Variants in CENPC observed in about 807,000 individuals in gnomAD.
CENPC encodes the protein CENP-C 1.
A neutral mutation model predicts 112.1 loss-of-function variants in CENPC; 63 were observed. That is an observed-to-expected ratio of 0.56 (90% confidence interval 0.46 to 0.69). The LOEUF (loss-of-function observed/expected upper bound fraction) is 0.69, where lower values mean the gene tolerates loss of function less well. Among genes scored for constraint, CENPC ranks in the 30% least tolerant of loss-of-function variants. The probability of loss-of-function intolerance (pLI) is 0.00; values close to 1 mark genes in which losing one functional copy is unlikely to be tolerated. For synonymous variants in CENPC, 333 were observed against 367.6 expected (o/e 0.91, Z 1.08); for missense variants, 1,000 against 1,103.8 (o/e 0.91, Z 1.33).
intron 17 of CENPC, among the ~76,000 whole-genome samples, chr4:67,483,886 T>TAAC (rs572125745): frequency 1.3e-5 from 2 of 152,142 alleles, no homozygotes; most frequent in African/African-American, 4.8e-5. Flanking sequence ...GTCCAAAAGT[T>TAAC]AACAACAACA....
At chr4:67,531,169 A>T (rs1265773305) in intron 4 of CENPC, among the ~76,000 whole-genome samples, 2 of 152,176 alleles carry the variant, frequency 1.3e-5, no homozygotes, top group Non-Finnish European at 2.9e-5. Context: ...AACTATGTGG[A>T]CAGAAGACTG....
rs541984705 is a variant in CENPC, at chr4:67,522,980, A to G, written c.332-3478T>C. Among the ~76,000 whole-genome samples, 5 of 151,974 alleles carry G rather than the reference A, an allele frequency of 3.3e-5. No individual in the cohort carries two copies. The South Asian group carries it at 6.2e-4, about 19-fold the overall frequency. On this transcript the variant is annotated intron_variant, in intron 5 of 18. Coordinates refer to ENST00000273853, the MANE Select transcript of CENPC (RefSeq NM_001812.4). ...GTGCCATTGCACTCCAGCCTGGGTG[A>G]TAAGGGCAAAATTCCATCTCAAAAA...
chr4:67,518,111 A>C, intron 7 of CENPC, 45 bp downstream of exon 7: 1 of 1,075,410 alleles, frequency 9.3e-7, no homozygotes, highest in Non-Finnish European at 1.3e-6. Flanking sequence ...GGTTCATAGA[A>C]TATAAAAGAA....
intron 12 of CENPC, among the ~76,000 whole-genome samples, chr4:67,498,916 C>T (rs1351898078): frequency 6.6e-6 from 1 of 152,214 alleles, no homozygotes; most frequent in Non-Finnish European, 1.5e-5. Context: ...GGAATCACTA[C>T]TTGTGGCAGC....
intron 9 of CENPC, 84 bp from the exon 10 acceptor site, chr4:67,509,189 C>T (rs1725823216): frequency 9.5e-6 from 6 of 633,322 alleles, no homozygotes; most frequent in Admixed American, 8.4e-5. Flanking sequence ...TTTATATTTG[C>T]ATATAAACAT....
chr4:67,518,584 G>T (rs941655235), intron 6 of CENPC, among the ~76,000 whole-genome samples: 1 of 152,152 alleles, frequency 6.6e-6, no homozygotes, highest in Non-Finnish European at 1.5e-5. Context: ...AAACATGAAA[G>T]AGAAAATAAT....
chr4:67,525,547 A>G (rs993370329), intron 5 of CENPC, among the ~76,000 whole-genome samples: 2 of 152,210 alleles, frequency 1.3e-5, no homozygotes, highest in Non-Finnish European at 2.9e-5. Context: ...ACATTTACAC[A>G]GCCAACAAAC....
chr4:67,498,952 A>C (rs1330774239), intron 12 of CENPC, among the ~76,000 whole-genome samples: 1 of 152,214 alleles, frequency 6.6e-6, no homozygotes. Context: ...TTTATTTCTT[A>C]AATAATAAGA....
chr4:67,527,825 C>T (rs1167496281), intron 5 of CENPC, among the ~76,000 whole-genome samples: 1 of 151,744 alleles, frequency 6.6e-6, no homozygotes, highest in Non-Finnish European at 1.5e-5. Flanking sequence ...TAACATAATA[C>T]TGAAGTACTA....
At chr4:67,527,151 T>C (rs1459325666) in intron 5 of CENPC, among the ~76,000 whole-genome samples, 1 of 152,114 alleles carries the variant, frequency 6.6e-6, no homozygotes, top group Non-Finnish European at 1.5e-5. Context: ...GGGAAATTTA[T>C]GCCAAATGAA....
intron 12 of CENPC, among the ~76,000 whole-genome samples, chr4:67,500,620 C>G (rs355518): frequency 0.63 from 95,135 of 151,888 alleles, 30,050 homozygotes; most frequent in East Asian, 0.81. Flanking sequence ...AAAGAAAATC[C>G]AGTGACCAAA....
intron 3 of CENPC, among the ~76,000 whole-genome samples, chr4:67,540,289 G>C (rs1161569319): frequency 6.6e-6 from 1 of 152,148 alleles, no homozygotes; most frequent in Non-Finnish European, 1.5e-5. Context: ...TGTAATTTAT[G>C]ACTTCCTTAA....
intron 17 of CENPC, among the ~76,000 whole-genome samples, chr4:67,475,994 G>A (rs1724795130): frequency 6.6e-6 from 1 of 152,122 alleles, no homozygotes; most frequent in Non-Finnish European, 1.5e-5. Context: ...AGGTTACAAT[G>A]GCATTTAAAA....
At position 67,470,583 on chromosome 4, in the gene CENPC, A is replaced by AAAAAAAAAAAAGAAAAG. The variant is rs58690134; in HGVS notation, c.*2021_*2022insCTTTTCTTTTTTTTTTT. On this transcript the variant is annotated 3_prime_UTR_variant, in exon 19 of 19. Transcript: ENST00000273853. ...GTGAAACTCTGCCTCAAAAAAAAAA[A>AAAAAAAAAAAAGAAAAG]AAAAGAAAAGAAAAGAAAAAAGAAA... The AAAAAAAAAAAAGAAAAG allele has an allele frequency of 9.0e-6, 1 of 110,632 alleles. No individual in the cohort carries two copies. Among genetic ancestry groups the AAAAAAAAAAAAGAAAAG allele is most frequent in the Admixed American group, 1.2e-4 (1 of 8,364 alleles). 6.9% of individuals were successfully genotyped at this position (110,632 alleles called of 1,614,324 possible). A position where few individuals can be genotyped will look rare whatever the true frequency, so the allele number is the denominator to read the frequency against.
At chr4:67,520,019 A>G (rs1726176372) in intron 5 of CENPC, among the ~76,000 whole-genome samples, 1 of 152,188 alleles carries the variant, frequency 6.6e-6, no homozygotes, top group Non-Finnish European at 1.5e-5. Context: ...GACCAGAAAC[A>G]GACAAGCCTT....
At chr4:67,497,197 G>C (rs1472214451) in intron 12 of CENPC, among the ~76,000 whole-genome samples, 1 of 151,844 alleles carries the variant, frequency 6.6e-6, no homozygotes, top group Non-Finnish European at 1.5e-5. Context: ...TACCAACATG[G>C]TGAAACCCCA....
intron 12 of CENPC, among the ~76,000 whole-genome samples, chr4:67,499,387 A>G (rs1725528451): frequency 6.6e-6 from 1 of 152,234 alleles, no homozygotes; most frequent in South Asian, 2.1e-4. Flanking sequence ...CAATTATCTC[A>G]GCTAGATTTT....
At chr4:67,501,081 G>A (rs1363443696) in intron 12 of CENPC, among the ~76,000 whole-genome samples, 1 of 152,194 alleles carries the variant, frequency 6.6e-6, no homozygotes, top group Non-Finnish European at 1.5e-5. Flanking sequence ...ACTGAGGTGT[G>A]CAGATCACTT....
chr4:67,480,634 G>A (rs918655387), intron 17 of CENPC, among the ~76,000 whole-genome samples: 1 of 152,074 alleles, frequency 6.6e-6, no homozygotes, highest in African/African-American at 2.4e-5. Context: ...AGACAGAGAG[G>A]AGTCAATACG....
Sources: gnomAD v4.1 joint callset for allele counts (sites outside exome capture counted in the v4.1 genomes callset) on GRCh38, gnomAD v4.1.1 for gene constraint, MANE v1.5 for transcripts, NCBI Gene and HGNC (gene_info 2026-07-23, HGNC 2026-07-21) for gene names.